The following SPATA17 variants were observed in gnomAD, a reference collection of about 807,000 sequenced individuals.
SPATA17 encodes spermatogenesis-associated protein 17.
A neutral mutation model predicts 62.2 loss-of-function variants in SPATA17; 53 were observed. That is an observed-to-expected ratio of 0.85 (90% confidence interval 0.68 to 1.07). SPATA17 has a LOEUF of 1.07. Ranked by LOEUF, SPATA17 falls within the 50% of genes least tolerant of loss-of-function variation. The pLI is 0.00. For missense variants in SPATA17, 466 were observed against 425.5 expected, an observed-to-expected ratio of 1.10 and a Z score of -0.84; for synonymous variants, 146 against 146.8, an observed-to-expected ratio of 0.99 and a Z score of 0.04.
At chr1:217,688,639 G>A (rs187485924) in intron 5 of SPATA17, among the ~76,000 whole-genome samples, 4 of 152,154 alleles carry the variant, frequency 2.6e-5, no homozygotes, top group Admixed American at 1.3e-4. Flanking sequence ...GCCTTTGCAC[G>A]TGCCATTCTC....
intron 9 of SPATA17, among the ~76,000 whole-genome samples, chr1:217,846,873 CAT>C (rs1675542833): frequency 1.3e-5 from 2 of 151,972 alleles, no homozygotes; most frequent in Admixed American, 6.6e-5. Context: ...AAGAATATAA[CAT>C]AAATTATTTA....
At chr1:217,670,041 G>A (rs149895035) in intron 4 of SPATA17, among the ~76,000 whole-genome samples, 1 of 152,218 alleles carries the variant, frequency 6.6e-6, no homozygotes, top group East Asian at 1.9e-4. Context: ...TGAGCCAGAG[G>A]CAGAAAATCT....
chr1:217,800,149 A>G (rs528910872), intron 8 of SPATA17, among the ~76,000 whole-genome samples: 1 of 152,064 alleles, frequency 6.6e-6, no homozygotes. Context: ...CCCACTGGTA[A>G]TTCATTCTTA....
At chr1:217,799,218 CT>C (rs1674233384) in intron 8 of SPATA17, among the ~76,000 whole-genome samples, 1 of 152,048 alleles carries the variant, frequency 6.6e-6, no homozygotes, top group Non-Finnish European at 1.5e-5. Context: ...ATATATGTTA[CT>C]TTCATGAAAC....
At chr1:217,673,340 C>T (rs960930338) in intron 4 of SPATA17, among the ~76,000 whole-genome samples, 2 of 152,132 alleles carry the variant, frequency 1.3e-5, no homozygotes, top group African/African-American at 4.8e-5. Flanking sequence ...GCTGCTAGGC[C>T]AGTGACAGTC....
intron 9 of SPATA17, among the ~76,000 whole-genome samples, chr1:217,820,385 T>C (rs1026808682): frequency 1.3e-5 from 2 of 152,056 alleles, no homozygotes; most frequent in African/African-American, 4.8e-5. Context: ...AAATTATATT[T>C]AATGTAGTTT....
chr1:217,698,078 C>T (rs1216816273), intron 5 of SPATA17, among the ~76,000 whole-genome samples: 2 of 152,092 alleles, frequency 1.3e-5, no homozygotes, highest in East Asian at 3.9e-4. Context: ...GGCAGATCAC[C>T]TGAGGTCAGG....
chr1:217,723,922 A>T (rs1672198216), intron 5 of SPATA17, among the ~76,000 whole-genome samples: 1 of 152,232 alleles, frequency 6.6e-6, no homozygotes, highest in Admixed American at 6.5e-5. Context: ...TGCCAAGCTC[A>T]GCATGTCTGC....
chr1:217,679,816 CT>C (rs1671037713), intron 4 of SPATA17, among the ~76,000 whole-genome samples: 1 of 152,122 alleles, frequency 6.6e-6, no homozygotes, highest in South Asian at 2.1e-4. Context: ...TGGATTTTTT[CT>C]TTTTTAATTA....
intron 10 of SPATA17, among the ~76,000 whole-genome samples, chr1:217,864,939 A>G (rs537139717): frequency 1.4e-4 from 22 of 152,198 alleles, no homozygotes; most frequent in Admixed American, 2.6e-4. Context: ...GCAAAGGCTC[A>G]AATATGTTAT....
rs1014496430 is a variant in SPATA17 at position 217,867,422 on chromosome 1, A to C, written c.*403A>C. ...ATGGTTTGAAGTGTAAATTGTGTGA[A>C]ATAGTTCAGCATGAAAGCTCTGCCC... On this transcript the variant is annotated 3_prime_UTR_variant, in exon 11 of 11. Transcript: ENST00000366933. 48 of 152,188 alleles carry C rather than the reference A, an allele frequency of 3.2e-4. No individual in the cohort carries two copies. The highest frequency in any genetic ancestry group is 1.2e-3 in the African/African-American group (48 of 41,450). 9.4% of individuals were successfully genotyped at this position (152,188 alleles called of 1,614,324 possible). A position where few individuals can be genotyped will look rare whatever the true frequency, so the allele number is the denominator to read the frequency against.
intron 5 of SPATA17, among the ~76,000 whole-genome samples, chr1:217,727,259 T>TA (rs1448545185): frequency 6.8e-6 from 1 of 146,270 alleles, no homozygotes; most frequent in Non-Finnish European, 1.5e-5. Flanking sequence ...ATAATAATAA[T>TA]AATAATAATA....
At chr1:217,751,905 A>C (rs548144892) in intron 6 of SPATA17, among the ~76,000 whole-genome samples, 3 of 152,292 alleles carry the variant, frequency 2.0e-5, no homozygotes, top group East Asian at 3.9e-4. Flanking sequence ...CCTTAGAAAA[A>C]CACATTATAA....
intron 10 of SPATA17, 96 bp downstream of exon 10, chr1:217,862,952 C>A: frequency 4.4e-6 from 3 of 684,802 alleles, no homozygotes; most frequent in Non-Finnish European, 7.1e-6. Flanking sequence ...TTTTAAAAAC[C>A]ATGCTATAAT....
chr1:217,639,088 C>T (rs1326716499), intron 1 of SPATA17, among the ~76,000 whole-genome samples: 3 of 151,962 alleles, frequency 2.0e-5, no homozygotes, highest in Non-Finnish European at 4.4e-5. Flanking sequence ...AAGAGTATGG[C>T]TTAGAATAGA....
chr1:217,684,434 A>G (rs1671169418), intron 5 of SPATA17, among the ~76,000 whole-genome samples: 1 of 151,094 alleles, frequency 6.6e-6, no homozygotes, highest in Non-Finnish European at 1.5e-5. Flanking sequence ...TTTTTTTTTG[A>G]GACGGAGTCT....
chr1:217,803,216 G>T (rs1674356353), intron 9 of SPATA17, among the ~76,000 whole-genome samples: 1 of 152,074 alleles, frequency 6.6e-6, no homozygotes, highest in Non-Finnish European at 1.5e-5. Context: ...CCAGCCTCAA[G>T]GATGCCCAGT....
intron 6 of SPATA17, among the ~76,000 whole-genome samples, chr1:217,754,249 A>T (rs1672986454): frequency 6.6e-6 from 1 of 152,160 alleles, no homozygotes; most frequent in Non-Finnish European, 1.5e-5. Flanking sequence ...CAAACAAACA[A>T]AAAACCAAAA....
At position 217,669,087 on chromosome 1, in the gene SPATA17, A is replaced by G; in HGVS notation, c.291+4A>G. ...CTACAATGCAATGGCTGTCAGGGTAAATATTTCTTCACTTGTTAAACAAAT... is the reference window on the plus strand; with the variant it reads ...CTACAATGCAATGGCTGTCAGGGTAGATATTTCTTCACTTGTTAAACAAAT... On this transcript the variant is annotated splice_donor_region_variant and intron_variant, in intron 4 of 10. Transcript: ENST00000366933. 1 of 1,609,306 alleles carries G rather than the reference A, an allele frequency of 6.2e-7. No individual in the cohort carries two copies. The highest frequency in any genetic ancestry group is 2.2e-5 in the East Asian group (1 of 44,678).
Sources: gnomAD v4.1 joint callset for allele counts (sites outside exome capture counted in the v4.1 genomes callset) on GRCh38, gnomAD v4.1.1 for gene constraint, MANE v1.5 for transcripts, NCBI Gene and HGNC (gene_info 2026-07-23, HGNC 2026-07-21) for gene names.